The following GARIN1A variants were observed in gnomAD, a reference collection of about 807,000 sequenced individuals.
GARIN1A encodes Golgi-associated RAB2 interactor protein 1A.
At chr7:128,707,193 CTAT>C in the GARIN1A span, among the ~76,000 whole-genome samples, 8 of 144,298 alleles carry the variant, frequency 5.5e-5, no homozygotes, top group Admixed American at 5.6e-4. Context: ...TCCTTCTGCC[CTAT>C]TATTATTATT....
At chr7:128,675,659 T>G in the GARIN1A span, 2 of 1,612,706 alleles carry the variant, frequency 1.2e-6, no homozygotes, top group East Asian at 4.5e-5. Flanking sequence ...CCCATGTACC[T>G]GAGGCTGATT....
At chr7:128,689,000 G>A in the GARIN1A span, among the ~76,000 whole-genome samples, 15 of 151,066 alleles carry the variant, frequency 9.9e-5, no homozygotes, top group Non-Finnish European at 1.8e-4. Context: ...ACGGGGTTTC[G>A]CTGTGTTGGC....
chr7:128,707,586 C>T, the GARIN1A span, among the ~76,000 whole-genome samples: 1 of 152,126 alleles, frequency 6.6e-6, no homozygotes, highest in Admixed American at 6.5e-5. Context: ...CCCACCTCAG[C>T]CTGGGAACAC....
the GARIN1A span, among the ~76,000 whole-genome samples, chr7:128,704,693 G>A: frequency 1.3e-5 from 2 of 152,166 alleles, no homozygotes; most frequent in African/African-American, 2.4e-5. Flanking sequence ...TAACGCCGCC[G>A]CTGATCTGAC....
the GARIN1A span, among the ~76,000 whole-genome samples, chr7:128,678,372 A>G: frequency 6.6e-6 from 1 of 152,146 alleles, no homozygotes; most frequent in African/African-American, 2.4e-5. Context: ...TATATGTATG[A>G]TCTACATTTC....
At chr7:128,683,483 T>C in the GARIN1A span, 1 of 152,826 alleles carries the variant, frequency 6.5e-6, no homozygotes. Context: ...TTTATTTATT[T>C]ATTTTGGAGA....
At chr7:128,672,181 C>CTTT in the GARIN1A span, 1 of 441,968 alleles carries the variant, frequency 2.3e-6, no homozygotes, top group Non-Finnish European at 4.0e-6. Context: ...CCTTCCTCTT[C>CTTT]TTTTTTTTTT....
At chr7:128,680,942 T>A in the GARIN1A span, among the ~76,000 whole-genome samples, 1 of 152,268 alleles carries the variant, frequency 6.6e-6, no homozygotes, top group Non-Finnish European at 1.5e-5. Context: ...AATTTACTAA[T>A]AATTGTATTA....
chr7:128,696,008 C>CTTTTTTTTTTT, the GARIN1A span, among the ~76,000 whole-genome samples: 1 of 80,106 alleles, frequency 1.2e-5, no homozygotes, highest in African/African-American at 5.1e-5. Flanking sequence ...TCCTAACTTC[C>CTTTTTTTTTTT]TTTTTTTTTT....
the GARIN1A span, among the ~76,000 whole-genome samples, chr7:128,705,679 T>TGTG: frequency 9.8e-6 from 1 of 101,848 alleles, no homozygotes. Context: ...TTTTTTTTTT[T>TGTG]TTTGAGACAG....
chr7:128,680,549 T>C, the GARIN1A span, among the ~76,000 whole-genome samples: 1 of 145,174 alleles, frequency 6.9e-6, no homozygotes, highest in African/African-American at 2.5e-5. Flanking sequence ...AGTTTTCTTT[T>C]TCCTTTCTTT....
chr7:128,676,671 GA>G, the GARIN1A span, among the ~76,000 whole-genome samples: 1 of 151,494 alleles, frequency 6.6e-6, no homozygotes, highest in Non-Finnish European at 1.5e-5. Flanking sequence ...ATGAAATGCT[GA>G]GATTGAAAAA....
chr7:128,685,769 C>T, the GARIN1A span: 1 of 152,138 alleles, frequency 6.6e-6, no homozygotes, highest in Non-Finnish European at 1.5e-5. Context: ...TAATACATAC[C>T]CATTTCACTC....
At chr7:128,678,844 C>G in the GARIN1A span, among the ~76,000 whole-genome samples, 1 of 150,508 alleles carries the variant, frequency 6.6e-6, no homozygotes, top group Non-Finnish European at 1.5e-5. Flanking sequence ...TATCTTATTA[C>G]AATTAAGAAG....
the GARIN1A span, among the ~76,000 whole-genome samples, chr7:128,675,194 A>C: frequency 6.6e-6 from 1 of 152,124 alleles, no homozygotes; most frequent in Non-Finnish European, 1.5e-5. Flanking sequence ...AGACCCAGCA[A>C]CAAGATAGCC....
the GARIN1A span, among the ~76,000 whole-genome samples, chr7:128,705,671 T>G: frequency 2.9e-5 from 4 of 140,168 alleles, 1 homozygote; most frequent in Non-Finnish European, 6.2e-5. Context: ...TTTTTTTTTT[T>G]TTTTTTTTTT....
At chr7:128,679,730 A>G in the GARIN1A span, among the ~76,000 whole-genome samples, 5 of 152,128 alleles carry the variant, frequency 3.3e-5, no homozygotes, top group Non-Finnish European at 7.3e-5. Context: ...TCTGTGCTTC[A>G]AGTATGTTAT....
the GARIN1A span, among the ~76,000 whole-genome samples, chr7:128,694,251 G>T: frequency 0.27 from 41,150 of 152,158 alleles, 5,937 homozygotes; most frequent in East Asian, 0.54. Context: ...AAGAACTCTG[G>T]CCGAGCATGG....
chr7:128,683,240 A>G, the GARIN1A span: 12 of 1,141,540 alleles, frequency 1.1e-5, no homozygotes, highest in South Asian at 5.0e-5. Context: ...CTGTGAGCCA[A>G]GTGACCTTGG....
Sources: allele counts gnomAD v4.1 joint callset (sites outside exome capture counted in the v4.1 genomes callset), GRCh38; gene constraint gnomAD v4.1.1; transcripts MANE v1.5; gene names NCBI Gene and HGNC (gene_info 2026-07-23, HGNC 2026-07-21).